Variants in SLC15A2 observed in about 807,000 individuals in gnomAD.
The protein encoded by SLC15A2 is kidney H(+)/peptide cotransporter.
In SLC15A2, 77 loss-of-function variants were observed where a neutral mutation model predicts 95.5. That is an observed-to-expected ratio of 0.81 (90% CI 0.67 to 0.97). The LOEUF is 0.97. SLC15A2 is among the 50% of genes least tolerant of loss of function. The pLI, the probability that SLC15A2 is intolerant of heterozygous loss-of-function variation, is 0.00. For synonymous variants in SLC15A2, 306 were observed against 306.9 expected, an observed-to-expected ratio of 1.00 and a Z score of 0.03; for missense variants, 893 against 874.4, an observed-to-expected ratio of 1.02 and a Z score of -0.27.
Position 121,911,590 on chromosome 3 carries a change from T to A in SLC15A2, c.352T>A (p.Ser118Thr). ...TCTCAACAGGACAATCATCTATCTCTCCTTGGTGTATGTGCTTGGCCATGT... is the reference window on the plus strand; with the variant it reads ...TCTCAACAGGACAATCATCTATCTCACCTTGGTGTATGTGCTTGGCCATGT... ...LGKFKTIIYL[S>T]LVYVLGHVIK... The change falls in exon 4 of 22, where the codon TCC (serine) becomes ACC (threonine). Residue 118 changes from serine (S) to threonine (T), a missense_variant. Ser to Thr is a moderately conservative substitution (Grantham distance 58, BLOSUM62 1). Transcript: ENST00000489711. 1 of 1,613,716 alleles carries A rather than the reference T, an allele frequency of 6.2e-7. No homozygotes were observed.
Position 121,900,747 on chromosome 3 carries a change from C to T in SLC15A2, c.335+3218C>T, listed in dbSNP as rs1709505058. Among the ~76,000 whole-genome samples the T allele has an allele frequency of 3.3e-5, 5 of 152,128 alleles. No individual in the cohort carries two copies. The South Asian group carries it at 1.0e-3, about 32-fold the overall frequency. ...CCCGTAAGGCTCACTCAAATACCAC[C>T]TATGCTATGGAGTATTCTCTGCCCC... is the stretch of plus-strand genomic sequence containing the variant. On this transcript the variant is annotated intron_variant, in intron 3 of 21. Transcript: ENST00000489711.
chr3:121,928,551 T>C lies in SLC15A2; in HGVS notation c.1337T>C (p.Phe446Ser). 1 of 1,613,982 alleles carries C rather than the reference T, an allele frequency of 6.2e-7. No homozygotes were observed. The highest frequency in any genetic ancestry group is 8.5e-7 in the Non-Finnish European group (1 of 1,179,868). ...NSLLIESIKS[F>S]QKTPHYSKLH... is the part of the protein sequence containing the mutation. The stretch of plus-strand genomic sequence containing the variant: ...CTGTTGATAGAGTCCATCAAATCCT[T>C]TCAGGTGAGGTGTGTACCTGAATGA... Residue 446 changes from phenylalanine to serine, a missense_variant, in exon 15 of 22, where the codon TTT becomes TCT. Physicochemically the swap from Phe to Ser is radical, Grantham distance 155. Coordinates refer to ENST00000489711, the MANE Select transcript of SLC15A2 (RefSeq NM_021082.4).
At chr3:121,896,578 C>T (rs1357130070) in intron 2 of SLC15A2, 85 bp downstream of exon 2, 9 of 1,056,322 alleles carry the variant, frequency 8.5e-6, no homozygotes, top group Admixed American at 5.2e-5. Context: ...TTTATATGCA[C>T]TTATTTCCCG....
intron 12 of SLC15A2, 76 bp downstream of exon 12, chr3:121,924,459 C>A: frequency 8.0e-7 from 1 of 1,248,630 alleles, no homozygotes; most frequent in Non-Finnish European, 1.2e-6. Flanking sequence ...TTACGATTAA[C>A]AACCATAATT....
chr3:121,914,144 A>G lies in SLC15A2; in HGVS notation c.528+1024A>G, dbSNP rs116297373. On this transcript the variant is annotated intron_variant, in intron 5 of 21. Coordinates refer to ENST00000489711, the MANE Select transcript of SLC15A2 (RefSeq NM_021082.4). ...CATAATTGCTTGCTGACTTTGGAGAAAGAACCAACTTTTGGCAAGTGGGAT... is the reference window on the plus strand; with the variant it reads ...CATAATTGCTTGCTGACTTTGGAGAGAGAACCAACTTTTGGCAAGTGGGAT... 3.8e-3 allele frequency among the ~76,000 whole-genome samples: 583 copies of G among 152,316 alleles called. 6 individuals are homozygous for G. Among genetic ancestry groups the G allele is most frequent in the African/African-American group, 0.013 (558 of 41,564 alleles).
intron 3 of SLC15A2, among the ~76,000 whole-genome samples, chr3:121,909,496 C>G (rs541003526): frequency 1.3e-5 from 2 of 152,330 alleles, no homozygotes; most frequent in South Asian, 2.1e-4. Flanking sequence ...ACCCTAATAT[C>G]TCGTTTCAAA....
rs112787740 is a variant in SLC15A2 at position 121,939,134 on chromosome 3, G to A, written c.1762-215G>A. Reference sequence around the variant, plus strand: ...AAATATTCTCTTATTTAAAGTCTCTGTCAATAATGATATCTGATTGAATCT... The same window carrying A: ...AAATATTCTCTTATTTAAAGTCTCTATCAATAATGATATCTGATTGAATCT... On this transcript the variant is annotated intron_variant, in intron 19 of 21. Transcript: ENST00000489711. 9.7e-5 allele frequency: 37 copies of A among 380,966 alleles called. 2 individuals are homozygous for A. Among genetic ancestry groups the A allele is most frequent in the African/African-American group, 5.2e-4 (25 of 48,338 alleles). 23.6% of individuals were successfully genotyped at this position (380,966 alleles called of 1,614,324 possible). A position where few individuals can be genotyped will look rare whatever the true frequency, so the allele number is the denominator to read the frequency against.
chr3:121,920,716 T>C (rs1243719354), intron 7 of SLC15A2, among the ~76,000 whole-genome samples: 1 of 152,164 alleles, frequency 6.6e-6, no homozygotes, highest in Non-Finnish European at 1.5e-5. Flanking sequence ...GGAGAAGCTT[T>C]GGGGAAATTG....
intron 10 of SLC15A2, 23 bp downstream of exon 10, chr3:121,923,152 T>C (rs1002365870): frequency 6.2e-7 from 1 of 1,613,318 alleles, no homozygotes; most frequent in Admixed American, 1.7e-5. Flanking sequence ...CTTTTGGACA[T>C]TACCGCTCCT....
At chr3:121,928,094 C>G (rs1417888536) in intron 14 of SLC15A2, among the ~76,000 whole-genome samples, 1 of 152,188 alleles carries the variant, frequency 6.6e-6, no homozygotes, top group Admixed American at 6.5e-5. Flanking sequence ...AGAGCCCTCT[C>G]CTTAGGGAAC....
chr3:121,912,400 A>G (rs1709785706), intron 4 of SLC15A2, among the ~76,000 whole-genome samples: 2 of 151,898 alleles, frequency 1.3e-5, no homozygotes, highest in African/African-American at 4.8e-5. Flanking sequence ...CGCCCGGCTA[A>G]TTTGTGTATT....
intron 3 of SLC15A2, among the ~76,000 whole-genome samples, chr3:121,901,139 C>T (rs1709512236): frequency 6.6e-6 from 1 of 152,062 alleles, no homozygotes; most frequent in African/African-American, 2.4e-5. Flanking sequence ...CTGCCTCAGC[C>T]TCCTGAGTAT....
intron 7 of SLC15A2, among the ~76,000 whole-genome samples, chr3:121,916,270 T>C (rs1029158384): frequency 2.0e-5 from 3 of 152,188 alleles, no homozygotes; most frequent in Admixed American, 2.0e-4. Flanking sequence ...TGGCATTCTC[T>C]TTATCCCTGA....
At chr3:121,920,553 T>C (rs1050943221) in intron 7 of SLC15A2, among the ~76,000 whole-genome samples, 1 of 152,128 alleles carries the variant, frequency 6.6e-6, no homozygotes, top group African/African-American at 2.4e-5. Flanking sequence ...GCCTTAGCCT[T>C]CCAAACTGCT....
chr3:121,916,703 C>T (rs968316995), intron 7 of SLC15A2, among the ~76,000 whole-genome samples: 38 of 152,110 alleles, frequency 2.5e-4, no homozygotes, highest in African/African-American at 8.5e-4. Flanking sequence ...TGAAATGTTT[C>T]ATAAATTATG....
Position 121,894,546 on chromosome 3 carries a change from C to G in SLC15A2, c.70C>G (p.Pro24Ala). The G allele has an allele frequency of 6.2e-7, 1 of 1,614,066 alleles. No individual in the cohort carries two copies. Among genetic ancestry groups the G allele is most frequent in the Non-Finnish European group, 8.5e-7 (1 of 1,179,930 alleles). The stretch of plus-strand genomic sequence containing the variant: ...ACCTGTCTCCATTGAAGAGGTACCA[C>G]CTCGACCACCTAGCCCTCCAAAGAA... ...FSPVSIEEVP[P>A]RPPSPPKKPS... The change falls in exon 1 of 22, where the codon CCT (proline) becomes GCT (alanine). Residue 24 changes from proline to alanine, a missense_variant. Transcript: ENST00000489711.
At chr3:121,925,132 G>T in intron 13 of SLC15A2, 99 bp downstream of exon 13, 1 of 848,818 alleles carries the variant, frequency 1.2e-6, no homozygotes, top group South Asian at 1.5e-5. Context: ...AGTGAGGATT[G>T]GTTTTAGTTT....
intron 3 of SLC15A2, among the ~76,000 whole-genome samples, chr3:121,900,730 GCTCA>G (rs1709504793): frequency 6.6e-6 from 1 of 151,962 alleles, no homozygotes; most frequent in Admixed American, 6.6e-5. Flanking sequence ...ACCCCGTAAG[GCTCA>G]CTCAAATACC....
intron 3 of SLC15A2, among the ~76,000 whole-genome samples, chr3:121,899,592 T>C (rs978365988): frequency 3.3e-5 from 5 of 152,208 alleles, no homozygotes; most frequent in African/African-American, 4.8e-5. Flanking sequence ...TCATTATCAG[T>C]TCTTATGGTA....
Sources: allele counts gnomAD v4.1 joint callset (sites outside exome capture counted in the v4.1 genomes callset), GRCh38; gene constraint gnomAD v4.1.1; transcripts MANE v1.5; gene names NCBI Gene and HGNC (gene_info 2026-07-23, HGNC 2026-07-21).